MAP4K3: variants seen among roughly 807,000 people sequenced by gnomAD.
MAP4K3 encodes mitogen-activated protein kinase kinase kinase kinase 3.
Under a neutral mutation model 143.5 loss-of-function variants are expected in MAP4K3, and 94 were observed. The observed-to-expected ratio is 0.65, with a 90% CI of 0.55 to 0.78. MAP4K3 has a LOEUF of 0.78. Ranked by LOEUF, MAP4K3 falls within the 30% of genes least tolerant of loss-of-function variation. The pLI is 0.00. For missense variants in MAP4K3, 1,077 were observed against 1,068.1 expected (o/e 1.01, Z -0.12); for synonymous variants, 416 against 347.2 (o/e 1.20, Z -2.20).
In MAP4K3 at chr2:39,378,060, A is replaced by G. The variant is rs759682595; in HGVS notation, c.154+6T>C. The G allele has an allele frequency of 3.2e-6, 5 of 1,549,282 alleles. No individual in the cohort carries two copies. The East Asian group carries it at 1.1e-4, about 35-fold the overall frequency. On this transcript the variant is annotated splice_donor_region_variant and intron_variant, in intron 2 of 33. Transcript: ENST00000263881. The stretch of plus-strand genomic sequence containing the variant: ...AGTAAGAAAAAATGAATTTCAAACA[A>G]TTTACCTGGTTCCAATTTTATTACT...
At chr2:39,302,008 G>C (rs984346347) in intron 15 of MAP4K3, among the ~76,000 whole-genome samples, 1 of 151,564 alleles carries the variant, frequency 6.6e-6, no homozygotes, top group Non-Finnish European at 1.5e-5. Context: ...TGGCGACAGA[G>C]AGAGACTCTG....
At chr2:39,433,005 T>C (rs908329958) in intron 1 of MAP4K3, among the ~76,000 whole-genome samples, 4 of 152,214 alleles carry the variant, frequency 2.6e-5, no homozygotes, top group Non-Finnish European at 5.9e-5. Context: ...AAAAAGAATC[T>C]AATAGTCAAG....
rs534354654 is a variant in MAP4K3, at chr2:39,309,702, C to T, written c.998-183G>A. 4.0e-5 allele frequency among the ~76,000 whole-genome samples: 6 copies of T among 151,422 alleles called. No homozygotes were observed. In the South Asian group the frequency reaches 6.3e-4, roughly 16 times the overall value. On this transcript the variant is annotated intron_variant, in intron 13 of 33. Coordinates refer to ENST00000263881, the MANE Select transcript of MAP4K3 (RefSeq NM_003618.4). Reference sequence around the variant, plus strand: ...CCTCCCGAGTAGCTGGGACTACAGGCGCCCTCCACCACGCCCGGCTGATTT... The same window carrying T: ...CCTCCCGAGTAGCTGGGACTACAGGTGCCCTCCACCACGCCCGGCTGATTT...
At chr2:39,421,467 TC>T in intron 1 of MAP4K3, among the ~76,000 whole-genome samples, 1 of 143,392 alleles carries the variant, frequency 7.0e-6, no homozygotes, top group South Asian at 2.2e-4. Flanking sequence ...CACATGGGCC[TC>T]CCAAAGTGCT....
intron 8 of MAP4K3, among the ~76,000 whole-genome samples, chr2:39,331,434 G>A (rs758054676): frequency 2.0e-5 from 3 of 152,092 alleles, no homozygotes; most frequent in Non-Finnish European, 4.4e-5. Context: ...TAAGGCTAAT[G>A]AAGCAGACAG....
chr2:39,308,734 T>C (rs1300079156), intron 14 of MAP4K3, among the ~76,000 whole-genome samples: 1 of 152,122 alleles, frequency 6.6e-6, no homozygotes, highest in Non-Finnish European at 1.5e-5. Context: ...TTATCATTTA[T>C]CTGGAAAGGA....
chr2:39,330,481 T>C (rs1323598227), intron 8 of MAP4K3, among the ~76,000 whole-genome samples: 1 of 151,162 alleles, frequency 6.6e-6, no homozygotes, highest in Non-Finnish European at 1.5e-5. Flanking sequence ...AAGGAAGGAG[T>C]ACATCATGAA....
At chr2:39,253,677 C>T (rs375301536) in intron 32 of MAP4K3, among the ~76,000 whole-genome samples, 11 of 152,284 alleles carry the variant, frequency 7.2e-5, no homozygotes, top group South Asian at 2.1e-4. Context: ...TAGAAATAAA[C>T]GCTCTGAGCT....
chr2:39,252,783 T>C (rs1680200654), intron 32 of MAP4K3, among the ~76,000 whole-genome samples: 1 of 152,250 alleles, frequency 6.6e-6, no homozygotes, highest in Non-Finnish European at 1.5e-5. Context: ...TTAGCTTCTG[T>C]TGTAACCCAG....
intron 24 of MAP4K3, among the ~76,000 whole-genome samples, chr2:39,276,386 G>C (rs1228761398): frequency 6.6e-6 from 1 of 152,106 alleles, no homozygotes; most frequent in Non-Finnish European, 1.5e-5. Flanking sequence ...TGTTGAAACG[G>C]TCATTCAATT....
chr2:39,361,296 T>A (rs893701564), intron 2 of MAP4K3, among the ~76,000 whole-genome samples: 1 of 152,142 alleles, frequency 6.6e-6, no homozygotes, highest in Non-Finnish European at 1.5e-5. Context: ...TAGTCACAAT[T>A]CTATGCCCCC....
rs138334665 is a variant in MAP4K3, at chr2:39,275,921, G to C, written c.1794+2486C>G. Reference sequence around the variant, plus strand: ...GGAGTCTCACTCCGTTGCCCAGGCTGGAGTGCAGTGGCGTGATCTCGGCTC... The same window carrying C: ...GGAGTCTCACTCCGTTGCCCAGGCTCGAGTGCAGTGGCGTGATCTCGGCTC... On this transcript the variant is annotated intron_variant, in intron 24 of 33. Transcript: ENST00000263881. Among the ~76,000 whole-genome samples, 260 of 152,198 alleles carry C rather than the reference G, an allele frequency of 1.7e-3. 6 individuals are homozygous for C. The East Asian group carries it at 0.024, about 14-fold the overall frequency.
intron 3 of MAP4K3, among the ~76,000 whole-genome samples, chr2:39,355,386 C>T (rs894547236): frequency 1.8e-4 from 23 of 126,336 alleles, no homozygotes; most frequent in Admixed American, 7.7e-4. Flanking sequence ...AAAAAAAAGG[C>T]TGGGCATGGT....
chr2:39,378,033 G>T, intron 2 of MAP4K3, 33 bp downstream of exon 2: 1 of 1,242,242 alleles, frequency 8.0e-7, no homozygotes, highest in Non-Finnish European at 1.2e-6. Flanking sequence ...TGGCTTTCTA[G>T]CAGTAAGAAA....
intron 1 of MAP4K3, among the ~76,000 whole-genome samples, chr2:39,381,256 G>C (rs1666349646): frequency 6.6e-6 from 1 of 152,132 alleles, no homozygotes. Flanking sequence ...ACACATTTTT[G>C]TGTGGACCTG....
chr2:39,297,584 A>G (rs1256333074), intron 16 of MAP4K3, among the ~76,000 whole-genome samples: 3 of 152,214 alleles, frequency 2.0e-5, no homozygotes, highest in Non-Finnish European at 4.4e-5. Flanking sequence ...AATTATAATT[A>G]GATAGTTCCT....
intron 24 of MAP4K3, among the ~76,000 whole-genome samples, chr2:39,277,174 C>A (rs763755338): frequency 3.3e-5 from 5 of 152,234 alleles, no homozygotes; most frequent in Admixed American, 6.5e-5. Flanking sequence ...GCATAGTACA[C>A]CAAGCTCTGG....
intron 31 of MAP4K3, among the ~76,000 whole-genome samples, chr2:39,256,896 G>A (rs749830447): frequency 6.6e-6 from 1 of 152,152 alleles, no homozygotes; most frequent in Non-Finnish European, 1.5e-5. Context: ...TTTGTAACTG[G>A]AGCCCAGCAG....
intron 3 of MAP4K3, among the ~76,000 whole-genome samples, chr2:39,347,713 G>A (rs1199084910): frequency 2.6e-5 from 4 of 151,674 alleles, no homozygotes; most frequent in African/African-American, 4.8e-5. Context: ...CCTGGAACTC[G>A]GTGAAACTAT....
Sources: gnomAD v4.1 joint callset for allele counts (sites outside exome capture counted in the v4.1 genomes callset) on GRCh38, gnomAD v4.1.1 for gene constraint, MANE v1.5 for transcripts, NCBI Gene and HGNC (gene_info 2026-07-23, HGNC 2026-07-21) for gene names.